RAPGEF4: variants seen among roughly 807,000 people sequenced by gnomAD.
The protein encoded by RAPGEF4 is RAP guanine-nucleotide-exchange factor (GEF) 4.
In RAPGEF4, 66 loss-of-function variants were observed where a neutral mutation model predicts 147.9. The ratio of observed to expected loss-of-function variants is 0.45; its 90% CI spans 0.37 to 0.55. RAPGEF4 has a LOEUF of 0.55. Ranked by LOEUF, RAPGEF4 falls within the 20% of genes least tolerant of loss-of-function variation. The pLI, the probability that RAPGEF4 is intolerant of heterozygous loss-of-function variation, is 0.00. For missense variants in RAPGEF4, 1,071 were observed against 1,257.3 expected (o/e 0.85, Z 2.24); for synonymous variants, 419 against 442.7 (o/e 0.95, Z 0.67).
chr2:172,850,679 A>C (rs1354258190), intron 4 of RAPGEF4, among the ~76,000 whole-genome samples: 2 of 152,192 alleles, frequency 1.3e-5, no homozygotes, highest in African/African-American at 4.8e-5. Context: ...AAAGTAAAGA[A>C]AAATTTTCTC....
At chr2:172,945,592 G>A (rs1437137866) in intron 6 of RAPGEF4, among the ~76,000 whole-genome samples, 1 of 152,012 alleles carries the variant, frequency 6.6e-6, no homozygotes, top group Non-Finnish European at 1.5e-5. Flanking sequence ...AGTCAATCGA[G>A]TGCATTATTT....
intron 1 of RAPGEF4, among the ~76,000 whole-genome samples, chr2:172,786,014 T>C (rs1362326435): frequency 6.6e-6 from 1 of 152,176 alleles, no homozygotes; most frequent in Non-Finnish European, 1.5e-5. Flanking sequence ...GGGGACAATG[T>C]TTCTTACTGA....
chr2:172,780,795 A>T (rs924740033), intron 1 of RAPGEF4, among the ~76,000 whole-genome samples: 1 of 152,194 alleles, frequency 6.6e-6, no homozygotes, highest in African/African-American at 2.4e-5. Flanking sequence ...GTGCATACAT[A>T]ATTTTACACA....
At chr2:172,787,599 C>CTTTCTTTATTTA (rs1553509672) in intron 1 of RAPGEF4, among the ~76,000 whole-genome samples, 2 of 145,384 alleles carry the variant, frequency 1.4e-5, no homozygotes, top group Admixed American at 6.9e-5. Context: ...AAACAAAGTG[C>CTTTCTTTATTTA]TTTATTTATT....
intron 4 of RAPGEF4, chr2:172,821,756 A>AG: frequency 9.0e-7 from 1 of 1,114,232 alleles, no homozygotes; most frequent in South Asian, 4.1e-5. Flanking sequence ...AAAAAAAAAA[A>AG]AAAAAGGAAG....
chr2:173,018,375 A>G (rs55815300), intron 21 of RAPGEF4, among the ~76,000 whole-genome samples: 5,358 of 152,244 alleles, frequency 0.035, 158 homozygotes, highest in South Asian at 0.14. Context: ...CAGCCTGAAG[A>G]TACTCTCAAT....
At chr2:172,809,358 C>T (rs1687803916) in intron 3 of RAPGEF4, among the ~76,000 whole-genome samples, 1 of 152,016 alleles carries the variant, frequency 6.6e-6, no homozygotes, top group African/African-American at 2.4e-5. Flanking sequence ...GGAACTGGGA[C>T]CCAGGAAGGG....
intron 4 of RAPGEF4, among the ~76,000 whole-genome samples, chr2:172,859,281 T>C (rs1334817172): frequency 6.6e-6 from 1 of 152,234 alleles, no homozygotes; most frequent in Non-Finnish European, 1.5e-5. Flanking sequence ...TCAGTAATCA[T>C]TGTAAATCTG....
intron 10 of RAPGEF4, among the ~76,000 whole-genome samples, chr2:172,968,315 G>T (rs1027774735): frequency 6.6e-6 from 1 of 152,126 alleles, no homozygotes. Flanking sequence ...ATGTTTGGCC[G>T]ACCTTGGTGT....
intron 22 of RAPGEF4, among the ~76,000 whole-genome samples, chr2:173,019,810 A>G (rs151082539): frequency 2.0e-5 from 3 of 152,214 alleles, no homozygotes; most frequent in East Asian, 3.9e-4. Flanking sequence ...GTCTCACTGA[A>G]GCTCCCTCCT....
chr2:172,859,944 G>A (rs1231350271), intron 4 of RAPGEF4: 4 of 808,726 alleles, frequency 4.9e-6, no homozygotes, highest in Non-Finnish European at 6.0e-6. Context: ...AATAAACAGT[G>A]GAATCCTTGT....
At chr2:172,771,976 G>A (rs1400850451) in intron 1 of RAPGEF4, among the ~76,000 whole-genome samples, 1 of 152,196 alleles carries the variant, frequency 6.6e-6, no homozygotes, top group Non-Finnish European at 1.5e-5. Context: ...GTGGCAACAT[G>A]TCTATAATCC....
chr2:172,749,275 A>G (rs1574684519), intron 1 of RAPGEF4, among the ~76,000 whole-genome samples: 4 of 152,210 alleles, frequency 2.6e-5, no homozygotes, highest in Admixed American at 2.6e-4. Context: ...GGGGTTCTCC[A>G]TGAGGGCCCT....
chr2:172,808,621 T>C (rs932824550), intron 3 of RAPGEF4, among the ~76,000 whole-genome samples: 3 of 152,248 alleles, frequency 2.0e-5, no homozygotes, highest in Admixed American at 1.3e-4. Context: ...ACCTGTTATG[T>C]GCCAGAAACT....
chr2:172,816,888 C>T (rs1175407711), intron 4 of RAPGEF4, among the ~76,000 whole-genome samples: 1 of 152,164 alleles, frequency 6.6e-6, no homozygotes, highest in Non-Finnish European at 1.5e-5. Context: ...GTTCATGCAA[C>T]TAAGTGTAGA....
intron 9 of RAPGEF4, 42 bp downstream of exon 9, chr2:172,965,725 T>G: frequency 6.2e-7 from 1 of 1,611,924 alleles, no homozygotes; most frequent in Non-Finnish European, 8.5e-7. Context: ...CAAGAAATGC[T>G]AAGTGCATTT....
chr2:172,832,364 G>T (rs1690454473), intron 4 of RAPGEF4, among the ~76,000 whole-genome samples: 1 of 152,058 alleles, frequency 6.6e-6, no homozygotes, highest in Non-Finnish European at 1.5e-5. Flanking sequence ...TACAGACAAG[G>T]CTAACTACAT....
chr2:172,811,842 G>T (rs1688053642), intron 3 of RAPGEF4, among the ~76,000 whole-genome samples: 1 of 152,206 alleles, frequency 6.6e-6, no homozygotes, highest in Admixed American at 6.5e-5. Flanking sequence ...ACATTTGGAT[G>T]TCAATTTCTT....
chr2:172,910,103 AT>A (rs1167923539), intron 4 of RAPGEF4, among the ~76,000 whole-genome samples: 1 of 152,188 alleles, frequency 6.6e-6, no homozygotes, highest in Non-Finnish European at 1.5e-5. Context: ...GGGTGATTCC[AT>A]GGCCTCAGTG....
Sources: gnomAD v4.1 joint callset for allele counts (sites outside exome capture counted in the v4.1 genomes callset) on GRCh38, gnomAD v4.1.1 for gene constraint, MANE v1.5 for transcripts, NCBI Gene and HGNC (gene_info 2026-07-23, HGNC 2026-07-21) for gene names.